The following ATXN8OS variants were observed in gnomAD, a reference collection of about 807,000 sequenced individuals.
The protein encoded by ATXN8OS is ATXN8 opposite strand lncRNA, also known as ATXN8 opposite strand (non-protein coding).
intron 4 of ATXN8OS, among the ~76,000 whole-genome samples, chr13:70,152,435 ATATG>A (rs1019373462): frequency 6.6e-6 from 1 of 151,962 alleles, no homozygotes; most frequent in African/African-American, 2.4e-5. Context: ...ATATGTACAT[ATATG>A]TGTATGTATG....
intron 4 of ATXN8OS, among the ~76,000 whole-genome samples, chr13:70,147,880 G>T (rs1888808904): frequency 6.6e-6 from 1 of 152,126 alleles, no homozygotes; most frequent in Non-Finnish European, 1.5e-5. Context: ...TATGGAGACA[G>T]AAATTACAGG....
chr13:70,146,820 C>T (rs1285882055), intron 3 of ATXN8OS, among the ~76,000 whole-genome samples: 1 of 151,918 alleles, frequency 6.6e-6, no homozygotes, highest in Non-Finnish European at 1.5e-5. Flanking sequence ...TGCTAAATGA[C>T]AAGTTAATGG....
intron 4 of ATXN8OS, among the ~76,000 whole-genome samples, chr13:70,168,644 T>A (rs1889107681): frequency 6.6e-6 from 1 of 151,808 alleles, no homozygotes; most frequent in African/African-American, 2.4e-5. Flanking sequence ...GTGACATTTG[T>A]CTTTCTGTTT....
chr13:70,139,222 C>A, intron 3 of ATXN8OS: 1 of 450,924 alleles, frequency 2.2e-6, no homozygotes, highest in South Asian at 6.1e-5. Flanking sequence ...ACTATTTCCT[C>A]ATTTGTCCTT....
At chr13:70,139,351 TTAC>T (rs375568204) in intron 3 of ATXN8OS, 54,533 of 540,888 alleles carry the variant, frequency 0.1, 3,439 homozygotes, top group Admixed American at 0.18. Context: ...AAACCTGGCT[TTAC>T]TACTACTACT....
At chr13:70,145,155 G>T (rs959791258) in intron 3 of ATXN8OS, among the ~76,000 whole-genome samples, 1 of 151,978 alleles carries the variant, frequency 6.6e-6, no homozygotes, top group Non-Finnish European at 1.5e-5. Context: ...AAGATCAGAT[G>T]GTTGTAGGTA....
chr13:70,147,509 TGA>T (rs1888801889), intron 4 of ATXN8OS, among the ~76,000 whole-genome samples: 1 of 152,156 alleles, frequency 6.6e-6, no homozygotes, highest in Non-Finnish European at 1.5e-5. Context: ...TCAAATTGTA[TGA>T]GTGATCGAAA....
At chr13:70,164,042 G>C (rs533769387) in intron 4 of ATXN8OS, among the ~76,000 whole-genome samples, 1 of 133,686 alleles carries the variant, frequency 7.5e-6, no homozygotes, top group African/African-American at 2.9e-5. Context: ...ATTGTAAGCT[G>C]GAAGTTTTTA....
At chr13:70,116,689 A>G (rs981634019) in intron 2 of ATXN8OS, among the ~76,000 whole-genome samples, 9 of 152,160 alleles carry the variant, frequency 5.9e-5, no homozygotes, top group African/African-American at 2.2e-4. Flanking sequence ...TCTGACTTCC[A>G]TTTTCTAAGA....
chr13:70,168,758 A>T (rs1224681698), intron 4 of ATXN8OS, among the ~76,000 whole-genome samples: 6 of 152,084 alleles, frequency 3.9e-5, no homozygotes, highest in African/African-American at 1.4e-4. Context: ...CATTGTATAT[A>T]TATTTTCTTT....
chr13:70,132,344 TGG>T, intron 3 of ATXN8OS, among the ~76,000 whole-genome samples: 2 of 149,964 alleles, frequency 1.3e-5, no homozygotes, highest in Admixed American at 1.3e-4. Flanking sequence ...TAGATGCAGC[TGG>T]AGGCCATTAT....
At chr13:70,119,822 A>G (rs1287377147) in intron 2 of ATXN8OS, among the ~76,000 whole-genome samples, 1 of 152,126 alleles carries the variant, frequency 6.6e-6, no homozygotes, top group Non-Finnish European at 1.5e-5. Flanking sequence ...GACTATGTGT[A>G]TAAAGTCAGT....
chr13:70,152,507 T>G (rs896627122), intron 4 of ATXN8OS, among the ~76,000 whole-genome samples: 1 of 151,968 alleles, frequency 6.6e-6, no homozygotes, highest in Non-Finnish European at 1.5e-5. Flanking sequence ...ATGTGTGTGT[T>G]TAATTGTTGT....
chr13:70,107,597 C>T, upstream of ATXN8OS: 3 of 1,598,560 alleles, frequency 1.9e-6, no homozygotes, highest in South Asian at 2.3e-5. Context: ...AGGCAGCCTC[C>T]CCCCGCCGGG....
At chr13:70,156,244 A>AGT (rs71784187) in intron 4 of ATXN8OS, among the ~76,000 whole-genome samples, 18,290 of 149,156 alleles carry the variant, frequency 0.12, 1,140 homozygotes, top group African/African-American at 0.13. Context: ...GGTGGGTATG[A>AGT]GTGTGTGTGT....
intron 4 of ATXN8OS, among the ~76,000 whole-genome samples, chr13:70,154,099 C>G (rs1309625672): frequency 6.6e-6 from 1 of 152,104 alleles, no homozygotes; most frequent in East Asian, 1.9e-4. Flanking sequence ...TACATTTTAA[C>G]CATATTGAAC....
rs547726513 is a variant in ATXN8OS at position 70,123,055 on chromosome 13, G to C, written n.399-6729G>C. ...TTATCATAAGGTTCAACATATAGAA[G>C]TTACTGAGCAAATATTAATCTAGGT... On this transcript the variant is annotated intron_variant and non_coding_transcript_variant, in intron 2 of 4. Coordinates refer to ENST00000678624, the Ensembl canonical transcript of ATXN8OS. Among the ~76,000 whole-genome samples, 117 of 152,050 alleles carry C rather than the reference G, an allele frequency of 7.7e-4. 1 individual carries two copies. Among genetic ancestry groups the C allele is most frequent in the African/African-American group, 2.6e-3 (110 of 41,530 alleles).
At chr13:70,163,085 T>C (rs1889029701) in intron 4 of ATXN8OS, among the ~76,000 whole-genome samples, 1 of 152,094 alleles carries the variant, frequency 6.6e-6, no homozygotes, top group Non-Finnish European at 1.5e-5. Context: ...TGGTTATAAA[T>C]TACTAGTGCT....
At chr13:70,146,606 C>T (rs561283253) in intron 3 of ATXN8OS, among the ~76,000 whole-genome samples, 12 of 152,154 alleles carry the variant, frequency 7.9e-5, no homozygotes, top group Admixed American at 7.2e-4. Context: ...GAGTTCATGT[C>T]CTTTGTAGGG....
Sources: gnomAD v4.1 joint callset for allele counts (sites outside exome capture counted in the v4.1 genomes callset) on GRCh38, gnomAD v4.1.1 for gene constraint, MANE v1.5 for transcripts, NCBI Gene and HGNC (gene_info 2026-07-23, HGNC 2026-07-21) for gene names.